Variants in PCOLCE observed in about 807,000 individuals in gnomAD.
PCOLCE encodes procollagen C-endopeptidase enhancer 1.
In PCOLCE, 33 loss-of-function variants were observed where a neutral mutation model predicts 47.2. That is an observed-to-expected ratio of 0.70 (90% CI 0.53 to 0.93). PCOLCE has a LOEUF of 0.93. PCOLCE is among the 40% of genes least tolerant of loss of function. PCOLCE has a pLI of 0.00. For missense variants in PCOLCE, 584 were observed against 585.3 expected (o/e 1.00, Z 0.02); for synonymous variants, 254 against 252.5 (o/e 1.01, Z -0.06).
rs1424475052 is a variant in PCOLCE, at chr7:100,605,205, C to G, written c.578C>G (p.Pro193Arg). The G allele has an allele frequency of 6.2e-7, 1 of 1,612,248 alleles. No homozygotes were observed. Among genetic ancestry groups the G allele is most frequent in the Non-Finnish European group, 8.5e-7 (1 of 1,179,226 alleles). The part of the protein sequence containing the change: ...GISCSWHIIA[P>R]PDQVIALTFE... ...AGCTGTTCCTGGCACATCATCGCGC[C>G]CCCGGACCAGGTACCGACCCTCCTC... Residue 193 changes from proline (P) to arginine (R), a missense_variant, in exon 4 of 9, where the codon CCC (proline) becomes CGC (arginine). Coordinates refer to ENST00000223061, the MANE Select transcript of PCOLCE (RefSeq NM_002593.4). This position sits in a 1 kb window ranked among gnomAD's most constrained non-coding sequence, Gnocchi z 6.1.
In PCOLCE at chr7:100,604,132, G is replaced by A; in HGVS notation, c.378G>A (p.Gln126=). The change falls in exon 3 of 9, where the codon CAG becomes CAA. Residue 126 remains glutamine (Q), a synonymous_variant. Coordinates refer to ENST00000223061, the MANE Select transcript of PCOLCE (RefSeq NM_002593.4). This position sits in a 1 kb window ranked among gnomAD's most constrained non-coding sequence, Gnocchi z 6.4. ...CGCCCCTAGTCGCCCCCGGCAACCA[G>A]GTGACCCTGAGGATGACGACGGATG... ...RPAPLVAPGN[Q]VTLRMTTDEG... 6.2e-7 allele frequency: 1 copy of A among 1,612,942 alleles called. No individual in the cohort carries two copies.
rs140841091 is a variant in PCOLCE, at chr7:100,608,081, G to A, written c.1328G>A (p.Arg443Gln). 116 of 1,613,730 alleles carry A rather than the reference G, an allele frequency of 7.2e-5. No homozygotes were observed. In the African/African-American group the frequency reaches 1.1e-3, roughly 16 times the overall value. The change falls in exon 9 of 9, where the codon CGG becomes CAG. Residue 443 changes from arginine to glutamine, a missense_variant. Arg to Gln is a conservative substitution (Grantham distance 43, BLOSUM62 1). Coordinates refer to ENST00000223061, the MANE Select transcript of PCOLCE (RefSeq NM_002593.4). Reference protein sequence around the residue: ...SKRKCPSQPVRAAASQD With the variant: ...SKRKCPSQPVQAAASQD The stretch of plus-strand genomic sequence containing the variant: ...AGGAAGTGCCCCTCTCAACCTGTGC[G>A]GGCTGCTGCGTCCCAGGACTGAGAC...
At chr7:100,606,900 G>C (rs1191788239) in intron 6 of PCOLCE, among the ~76,000 whole-genome samples, 1 of 152,104 alleles carries the variant, frequency 6.6e-6, no homozygotes, top group Non-Finnish European at 1.5e-5. Context: ...AGACCACCCC[G>C]GCTAACATGG....
intron 2 of PCOLCE, 137 bp from the exon 3 acceptor site, chr7:100,603,822 T>C (rs1802657725): frequency 2.0e-6 from 2 of 976,472 alleles, no homozygotes; most frequent in South Asian, 1.6e-5. Flanking sequence ...GACCAGGCCC[T>C]CTGCTCTGCA....
chr7:100,604,001 G>A lies in PCOLCE; in HGVS notation c.247G>A (p.Asp83Asn). ...QTVSLSFRVF[D>N]LELHPACRYD... ...TGTGTCCCTCTCATTCCGAGTCTTC[G>A]ACCTGGAGCTGCACCCCGCCTGCCG... The change falls in exon 3 of 9, where the codon GAC becomes AAC. Residue 83 changes from aspartate to asparagine, a missense_variant. Physicochemically the swap from Asp to Asn is conservative, Grantham distance 23. Transcript: ENST00000223061. The surrounding 1 kb of genome is among the most constrained non-coding windows in gnomAD (Gnocchi z 6.4). The A allele has an allele frequency of 6.2e-7, 1 of 1,604,002 alleles. No homozygotes were observed. Among genetic ancestry groups the A allele is most frequent in the Non-Finnish European group, 8.5e-7 (1 of 1,179,938 alleles).
Position 100,604,368 on chromosome 7 carries a change from T to C in PCOLCE, c.463+151T>C, listed in dbSNP as rs1190151042. The C allele has an allele frequency of 2.3e-5, 14 of 605,806 alleles. No homozygotes were observed. In the African/African-American group the frequency reaches 3.2e-4, roughly 14 times the overall value. 37.5% of individuals were successfully genotyped at this position (605,806 alleles called of 1,614,324 possible). A position where few individuals can be genotyped will look rare whatever the true frequency, so the allele number is the denominator to read the frequency against. Reference sequence around the variant, plus strand: ...ACCCATTTTCCTCACTAACCGCCCCTTCAGTCCCTCCTCCCCGTCTTCTCT... The same window carrying C: ...ACCCATTTTCCTCACTAACCGCCCCCTCAGTCCCTCCTCCCCGTCTTCTCT... On this transcript the variant is annotated intron_variant, in intron 3 of 8. Coordinates refer to ENST00000223061, the MANE Select transcript of PCOLCE (RefSeq NM_002593.4). The surrounding 1 kb of genome is among the most constrained non-coding windows in gnomAD (Gnocchi z 6.4).
In PCOLCE at chr7:100,605,868, G is replaced by C. The variant is rs1174911643; in HGVS notation, c.725+56G>C. 5 of 1,529,350 alleles carry C rather than the reference G, an allele frequency of 3.3e-6. No individual in the cohort carries two copies. Among genetic ancestry groups the C allele is most frequent in the Non-Finnish European group, 4.4e-6 (5 of 1,131,682 alleles). The allele number at this position is 1,529,350 out of a possible 1,614,324, so 94.7% of individuals were successfully genotyped here. ...GAGAGTCGGCGGACCGCACGCACGCGGCTGTTTGGAGGGGCGGGGTTCAGC... is the reference window on the plus strand; with the variant it reads ...GAGAGTCGGCGGACCGCACGCACGCCGCTGTTTGGAGGGGCGGGGTTCAGC... On this transcript the variant is annotated intron_variant, in intron 5 of 8. Transcript: ENST00000223061. This position sits in a 1 kb window ranked among gnomAD's most constrained non-coding sequence, Gnocchi z 6.1.
chr7:100,602,806 A>C, intron 1 of PCOLCE: 1 of 535,990 alleles, frequency 1.9e-6, no homozygotes, highest in Admixed American at 3.4e-5. Context: ...CAGATCCTTG[A>C]CCCCCCATAG....
Position 100,605,315 on chromosome 7 carries a change from CTGCGCT to C in PCOLCE, c.588+107_588+112del, listed in dbSNP as rs1343738236. On this transcript the variant is annotated intron_variant, in intron 4 of 8. Transcript: ENST00000223061. The surrounding 1 kb of genome is among the most constrained non-coding windows in gnomAD (Gnocchi z 6.1). The stretch of plus-strand genomic sequence containing the variant: ...TTGAAGATCTGCTGTGTCCCGAGCA[CTGCGCT>C]TGCGCTGGTGGGCACCCAAAACAGC... 7.8e-7 allele frequency: 1 copy of C among 1,284,406 alleles called. No individual in the cohort carries two copies. Among genetic ancestry groups the C allele is most frequent in the East Asian group, 2.5e-5 (1 of 39,272 alleles). The allele number at this position is 1,284,406 out of a possible 1,614,324, so 79.6% of individuals were successfully genotyped here. A position where few individuals can be genotyped will look rare whatever the true frequency, so the allele number is the denominator to read the frequency against.
rs576732053 is a variant in PCOLCE, at chr7:100,603,476, G to A, written c.142G>A (p.Val48Met). The A allele has an allele frequency of 8.7e-6, 14 of 1,606,334 alleles. No individual in the cohort carries two copies. Among genetic ancestry groups the A allele is most frequent in the South Asian group, 7.8e-5 (7 of 90,248 alleles). Residue 48 changes from valine to methionine, a missense_variant, in exon 2 of 9, where the codon GTG (valine) becomes ATG (methionine). Coordinates refer to ENST00000223061, the MANE Select transcript of PCOLCE (RefSeq NM_002593.4). Reference protein sequence around the residue: ...GGDVKGESGYVASEGFPNLYP... With the variant: ...GGDVKGESGYMASEGFPNLYP... ...GGATGTGAAGGGGGAATCAGGTTAC[G>A]TGGCAAGTGAGGGGTTCCCCAACCT...
rs748189840 is a variant in PCOLCE, at chr7:100,608,121, G to C, written c.*18G>C. 1.2e-6 allele frequency: 2 copies of C among 1,607,504 alleles called. No individual in the cohort carries two copies. Among genetic ancestry groups the C allele is most frequent in the East Asian group, 4.5e-5 (2 of 44,832 alleles). On this transcript the variant is annotated 3_prime_UTR_variant, in exon 9 of 9. Coordinates refer to ENST00000223061, the MANE Select transcript of PCOLCE (RefSeq NM_002593.4). The stretch of plus-strand genomic sequence containing the variant: ...AGGACTGAGACGCAGGCCAGCCCCG[G>C]CCCCTAGCCCTCAGGCCTTCTTTCT...
chr7:100,604,360 A>C lies in PCOLCE; in HGVS notation c.463+143A>C. 3.0e-6 allele frequency: 2 copies of C among 664,678 alleles called. No homozygotes were observed. The highest frequency in any genetic ancestry group is 1.9e-5 in the South Asian group (1 of 53,586). The allele number at this position is 664,678 out of a possible 1,614,324, so 41.2% of individuals were successfully genotyped here. A position where few individuals can be genotyped will look rare whatever the true frequency, so the allele number is the denominator to read the frequency against. ...CCTCCCTGACCCATTTTCCTCACTA[A>C]CCGCCCCTTCAGTCCCTCCTCCCCG... On this transcript the variant is annotated intron_variant, in intron 3 of 8. Coordinates refer to ENST00000223061, the MANE Select transcript of PCOLCE (RefSeq NM_002593.4). This position sits in a 1 kb window ranked among gnomAD's most constrained non-coding sequence, Gnocchi z 6.4.
chr7:100,602,385 C>A lies in PCOLCE; in HGVS notation c.-72C>A. The A allele has an allele frequency of 1.0e-6, 1 of 1,001,024 alleles. No homozygotes were observed. Among genetic ancestry groups the A allele is most frequent in the Non-Finnish European group, 1.6e-6 (1 of 629,630 alleles). 62.0% of individuals were successfully genotyped at this position (1,001,024 alleles called of 1,614,324 possible). On this transcript the variant is annotated 5_prime_UTR_variant, in exon 1 of 9. Transcript: ENST00000223061. ...GCTGATTATCCTGCTGCTGCCGCCA[C>A]CGCTGCTGCTGCTCTGCAAAATTCA... is the stretch of plus-strand genomic sequence containing the variant.
rs1416953305 is a variant in PCOLCE at position 100,604,581 on chromosome 7, A to G, written c.463+364A>G. 1 of 387,340 alleles carries G rather than the reference A, an allele frequency of 2.6e-6. No homozygotes were observed. Among genetic ancestry groups the G allele is most frequent in the Non-Finnish European group, 4.9e-6 (1 of 206,154 alleles). 24.0% of individuals were successfully genotyped at this position (387,340 alleles called of 1,614,324 possible). On this transcript the variant is annotated intron_variant, in intron 3 of 8. Transcript: ENST00000223061. This position sits in a 1 kb window ranked among gnomAD's most constrained non-coding sequence, Gnocchi z 6.4. ...GGGGCACCCCAGGGCTGGGGGGACT[A>G]GGTTCCTCCAACCCCGGGGGGCCCC...
intron 2 of PCOLCE, 53 bp downstream of exon 2, chr7:100,603,591 G>T: frequency 1.1e-6 from 1 of 878,214 alleles, no homozygotes; most frequent in African/African-American, 1.7e-5. Flanking sequence ...AGGCAAAAAG[G>T]CCTGACTGCG....
At chr7:100,602,596 C>A in intron 1 of PCOLCE, 45 bp downstream of exon 1, 1 of 1,231,570 alleles carries the variant, frequency 8.1e-7, no homozygotes, top group Non-Finnish European at 1.2e-6. Context: ...GAACTTCAGA[C>A]CCCCGATTCC....
chr7:100,605,193 A>G lies in PCOLCE; in HGVS notation c.566A>G (p.His189Arg), dbSNP rs775666514. ...DYPPGISCSW[H>R]IIAPPDQVIA... ...CCCCCGGGCATCAGCTGTTCCTGGC[A>G]CATCATCGCGCCCCCGGACCAGGTA... The change falls in exon 4 of 9, where the codon CAC (histidine) becomes CGC (arginine). Residue 189 changes from histidine to arginine, a missense_variant. His to Arg is a conservative substitution (Grantham distance 29). Transcript: ENST00000223061. The surrounding 1 kb of genome is among the most constrained non-coding windows in gnomAD (Gnocchi z 6.1). The G allele has an allele frequency of 1.2e-6, 2 of 1,611,856 alleles. No homozygotes were observed. Among genetic ancestry groups the G allele is most frequent in the South Asian group, 1.1e-5 (1 of 90,938 alleles).
In PCOLCE at chr7:100,604,244, C is replaced by T. The variant is rs1426186952; in HGVS notation, c.463+27C>T. ...TGAGAACTCCCTCACCTCCGCCTTCCCCCCCTCCAGGCCCCGCCCCGGCCG... is the reference window on the plus strand; with the variant it reads ...TGAGAACTCCCTCACCTCCGCCTTCTCCCCCTCCAGGCCCCGCCCCGGCCG... On this transcript the variant is annotated intron_variant, in intron 3 of 8. Transcript: ENST00000223061. The surrounding 1 kb of genome is among the most constrained non-coding windows in gnomAD (Gnocchi z 6.4). 1.9e-6 allele frequency: 3 copies of T among 1,592,556 alleles called. No homozygotes were observed. The highest frequency in any genetic ancestry group is 1.3e-5 in the African/African-American group (1 of 74,644).
At position 100,608,170 on chromosome 7, in the gene PCOLCE, G is replaced by T; in HGVS notation, c.*67G>T. 2.2e-6 allele frequency: 3 copies of T among 1,356,482 alleles called. No homozygotes were observed. The highest frequency in any genetic ancestry group is 3.1e-6 in the Non-Finnish European group (3 of 965,306). 84.0% of individuals were successfully genotyped at this position (1,356,482 alleles called of 1,614,324 possible). A position where few individuals can be genotyped will look rare whatever the true frequency, so the allele number is the denominator to read the frequency against. On this transcript the variant is annotated 3_prime_UTR_variant, in exon 9 of 9. Transcript: ENST00000223061. ...CTTATCCAAATAAATGTTTCTTAAT[G>T]AGGAATGGGTCAGATCTCCATGCTT...
Sources: gnomAD v4.1 joint callset for allele counts (sites outside exome capture counted in the v4.1 genomes callset) on GRCh38, gnomAD v4.1.1 for gene constraint, Gnocchi (gnomAD v3.1) non-coding constraint, MANE v1.5 for transcripts, NCBI Gene and HGNC (gene_info 2026-07-23, HGNC 2026-07-21) for gene names.